MINDY4: variants seen among roughly 807,000 people sequenced by gnomAD.
The protein encoded by MINDY4 is probable ubiquitin carboxyl-terminal hydrolase MINDY-4.
MINDY4 carries 68 observed loss-of-function variants against 87.0 expected under a neutral mutation model. The ratio of observed to expected loss-of-function variants is 0.78; its 90% CI spans 0.64 to 0.96. The LOEUF is 0.96. Ranked by LOEUF, MINDY4 falls within the 40% of genes least tolerant of loss-of-function variation. The pLI, the probability that MINDY4 is intolerant of heterozygous loss-of-function variation, is 0.00. For missense variants in MINDY4, 919 were observed against 928.2 expected, an observed-to-expected ratio of 0.99 and a Z score of 0.13; for synonymous variants, 379 against 363.2, an observed-to-expected ratio of 1.04 and a Z score of -0.50.
intron 5 of MINDY4, among the ~76,000 whole-genome samples, chr7:30,792,255 A>G (rs1267746070): frequency 2.0e-5 from 3 of 152,180 alleles, no homozygotes; most frequent in Non-Finnish European, 4.4e-5. Context: ...TGGCTATGAT[A>G]TATTATCTTT....
intron 12 of MINDY4, 144 bp from the exon 13 acceptor site, chr7:30,859,112 CG>C (rs1562556928): frequency 1.3e-6 from 1 of 769,388 alleles, no homozygotes; most frequent in East Asian, 2.6e-5. Flanking sequence ...GGTCAGCCTT[CG>C]GGCCACCCAG....
chr7:30,884,768 G>A (rs1790579345), intron 17 of MINDY4, among the ~76,000 whole-genome samples: 1 of 152,218 alleles, frequency 6.6e-6, no homozygotes, highest in African/African-American at 2.4e-5. Flanking sequence ...CGTGGGCCCA[G>A]GATTGGACTT....
At chr7:30,874,063 C>T (rs1428550915) in intron 14 of MINDY4, among the ~76,000 whole-genome samples, 1 of 152,212 alleles carries the variant, frequency 6.6e-6, no homozygotes, top group Admixed American at 6.5e-5. Flanking sequence ...GCGAAAACAC[C>T]TCTATAAACT....
intron 3 of MINDY4, among the ~76,000 whole-genome samples, chr7:30,785,435 T>C (rs1787135252): frequency 6.6e-6 from 1 of 152,234 alleles, no homozygotes; most frequent in Admixed American, 6.5e-5. Context: ...TGAAAGGTTA[T>C]AGTTTTCCTT....
intron 1 of MINDY4, among the ~76,000 whole-genome samples, chr7:30,771,774 A>G (rs1449679468): frequency 6.6e-6 from 1 of 152,200 alleles, no homozygotes; most frequent in Non-Finnish European, 1.5e-5. Flanking sequence ...TCCGCAAGGC[A>G]CGGTTTGGAC....
At chr7:30,884,072 G>C (rs971225010) in intron 17 of MINDY4, among the ~76,000 whole-genome samples, 6 of 152,160 alleles carry the variant, frequency 3.9e-5, no homozygotes, top group Non-Finnish European at 7.4e-5. Flanking sequence ...TTCTCTGCCT[G>C]TGAAATGGTT....
At chr7:30,859,894 A>G (rs1789697665) in intron 13 of MINDY4, among the ~76,000 whole-genome samples, 1 of 152,110 alleles carries the variant, frequency 6.6e-6, no homozygotes, top group Non-Finnish European at 1.5e-5. Context: ...CAGGTGGAAC[A>G]TGGTCCCCAG....
At chr7:30,838,132 G>C (rs1381473991) in intron 7 of MINDY4, among the ~76,000 whole-genome samples, 1 of 152,132 alleles carries the variant, frequency 6.6e-6, no homozygotes, top group Non-Finnish European at 1.5e-5. Context: ...GGCAGAGAGA[G>C]GGTGGGCCCA....
chr7:30,788,369 CT>C (rs1405453609), intron 4 of MINDY4, among the ~76,000 whole-genome samples: 1 of 152,132 alleles, frequency 6.6e-6, no homozygotes, highest in Non-Finnish European at 1.5e-5. Flanking sequence ...GTTTTTACCC[CT>C]GAATGATTTA....
At chr7:30,857,425 G>A (rs1263757820) in intron 12 of MINDY4, among the ~76,000 whole-genome samples, 1 of 134,342 alleles carries the variant, frequency 7.4e-6, no homozygotes, top group Non-Finnish European at 1.7e-5. Context: ...TCTTCCCTAA[G>A]TTATTTCCCC....
At chr7:30,876,875 G>T (rs971312144) in intron 15 of MINDY4, among the ~76,000 whole-genome samples, 2 of 152,096 alleles carry the variant, frequency 1.3e-5, no homozygotes, top group Non-Finnish European at 2.9e-5. Context: ...AGCGCCAGGC[G>T]ATTCCACCCT....
intron 14 of MINDY4, 138 bp downstream of exon 14, chr7:30,872,444 A>G (rs967416173): frequency 2.7e-6 from 2 of 740,210 alleles, no homozygotes; most frequent in East Asian, 5.4e-5. Context: ...AGCAGCTTTC[A>G]CGTGCCCACC....
At chr7:30,773,397 T>G (rs764502443) in intron 1 of MINDY4, among the ~76,000 whole-genome samples, 9 of 152,190 alleles carry the variant, frequency 5.9e-5, no homozygotes, top group Non-Finnish European at 8.8e-5. Context: ...GTAATTCCCC[T>G]GCTCAAACCC....
chr7:30,887,585 G>A (rs541057141), intron 17 of MINDY4, among the ~76,000 whole-genome samples: 5 of 152,230 alleles, frequency 3.3e-5, no homozygotes, highest in African/African-American at 4.8e-5. Flanking sequence ...GTGAGCCAGC[G>A]AGGACCATGG....
intron 12 of MINDY4, among the ~76,000 whole-genome samples, chr7:30,857,201 C>T (rs980791982): frequency 6.6e-6 from 1 of 152,192 alleles, no homozygotes; most frequent in Non-Finnish European, 1.5e-5. Context: ...TTTGCACGTG[C>T]TTCTCCTTTT....
intron 3 of MINDY4, among the ~76,000 whole-genome samples, chr7:30,784,881 G>A (rs1787111812): frequency 6.6e-6 from 1 of 152,208 alleles, no homozygotes; most frequent in Non-Finnish European, 1.5e-5. Context: ...TAAGCAGCTT[G>A]GCATAGGGTA....
rs1306655197 is a variant in MINDY4, at chr7:30,854,644, G to A, written c.1677+1185G>A. ...CACAGAAGGCACTGGAGGGTTTGGT[G>A]GTAAGCCGGAGAGTGGGAGAACTTG... On this transcript the variant is annotated intron_variant, in intron 12 of 17. Transcript: ENST00000265299. 4.6e-5 allele frequency among the ~76,000 whole-genome samples: 7 copies of A among 152,312 alleles called. No individual in the cohort carries two copies. The South Asian group carries it at 1.0e-3, about 23-fold the overall frequency.
chr7:30,801,043 CAGGTCCTCT>C (rs1787634745), intron 5 of MINDY4, among the ~76,000 whole-genome samples: 1 of 152,174 alleles, frequency 6.6e-6, no homozygotes, highest in Non-Finnish European at 1.5e-5. Flanking sequence ...CAAACTCTCC[CAGGTCCTCT>C]AGAGCCTCTG....
At chr7:30,834,977 C>T (rs1788814785) in intron 6 of MINDY4, among the ~76,000 whole-genome samples, 1 of 152,234 alleles carries the variant, frequency 6.6e-6, no homozygotes, top group South Asian at 2.1e-4. Flanking sequence ...TAGGAAGTTT[C>T]AAACTTTCCC....
Sources: allele counts gnomAD v4.1 joint callset (sites outside exome capture counted in the v4.1 genomes callset), GRCh38; gene constraint gnomAD v4.1.1; transcripts MANE v1.5; gene names NCBI Gene and HGNC (gene_info 2026-07-23, HGNC 2026-07-21).